PLA2G4A: variants seen among roughly 807,000 people sequenced by gnomAD.
PLA2G4A encodes the protein cytosolic phospholipase A2.
Under a neutral mutation model 81.9 loss-of-function variants are expected in PLA2G4A, and 40 were observed. That is an observed-to-expected ratio of 0.49 (90% CI 0.38 to 0.64). The LOEUF is 0.64. Ranked by LOEUF, PLA2G4A falls within the 30% of genes least tolerant of loss-of-function variation. PLA2G4A has a pLI of 0.00. For missense variants in PLA2G4A, 715 were observed against 905.1 expected (o/e 0.79, Z 2.69); for synonymous variants, 302 against 296.9 (o/e 1.02, Z -0.18).
intron 17 of PLA2G4A, among the ~76,000 whole-genome samples, chr1:186,987,640 C>T (rs747609437): frequency 3.7e-4 from 56 of 152,170 alleles, no homozygotes; most frequent in Admixed American, 9.2e-4. Context: ...ACTGCATCTA[C>T]CAAATTCTGA....
intron 17 of PLA2G4A, among the ~76,000 whole-genome samples, chr1:186,988,029 A>G (rs1657940435): frequency 6.6e-6 from 1 of 152,214 alleles, no homozygotes; most frequent in South Asian, 2.1e-4. Flanking sequence ...TTATAGATTT[A>G]GTAATTACTT....
chr1:186,975,503 AAAC>A, intron 15 of PLA2G4A, among the ~76,000 whole-genome samples: 1 of 152,360 alleles, frequency 6.6e-6, no homozygotes, highest in African/African-American at 2.4e-5. Context: ...CTTCTAATGT[AAAC>A]TACTGAGGTC....
intron 2 of PLA2G4A, among the ~76,000 whole-genome samples, chr1:186,864,091 G>T (rs574740538): frequency 3.3e-5 from 5 of 152,192 alleles, no homozygotes; most frequent in Non-Finnish European, 7.4e-5. Flanking sequence ...TTAGCATAAT[G>T]TCCTCCAGGT....
chr1:186,971,205 G>T (rs1351244247), intron 15 of PLA2G4A, among the ~76,000 whole-genome samples: 3 of 151,712 alleles, frequency 2.0e-5, no homozygotes, highest in Non-Finnish European at 4.4e-5. Flanking sequence ...AGGGCACAAG[G>T]ATATTTTGTT....
At chr1:186,855,642 A>T (rs6703998) in intron 2 of PLA2G4A, among the ~76,000 whole-genome samples, 1 of 151,996 alleles carries the variant, frequency 6.6e-6, no homozygotes, top group Admixed American at 6.6e-5. Flanking sequence ...TCTGCATTCA[A>T]CGTTGTGTCT....
intron 2 of PLA2G4A, among the ~76,000 whole-genome samples, chr1:186,857,291 T>A (rs1284304733): frequency 2.2e-4 from 24 of 107,302 alleles, no homozygotes; most frequent in African/African-American, 8.9e-4. Context: ...TTATATTATA[T>A]GTATATATTA....
intron 3 of PLA2G4A, among the ~76,000 whole-genome samples, chr1:186,887,183 A>AT (rs140327018): frequency 0.017 from 2,529 of 150,412 alleles, 63 homozygotes; most frequent in African/African-American, 0.057. Context: ...CCCCTTTGGG[A>AT]TTTTTTTTTT....
chr1:186,908,740 C>CA lies in PLA2G4A; in HGVS notation c.416+1746dup, dbSNP rs542992350. 4.0e-5 allele frequency among the ~76,000 whole-genome samples: 6 copies of CA among 150,622 alleles called. No homozygotes were observed. In the East Asian group the frequency reaches 7.7e-4, roughly 19 times the overall value. On this transcript the variant is annotated intron_variant, in intron 6 of 17. Transcript: ENST00000367466. ...TATTTATATAAGCACAGATGATTCT[C>CA]AAAAAAAAGTGTTCACTGGAAAAAA...
intron 15 of PLA2G4A, 84 bp from the exon 16 acceptor site, chr1:186,977,509 C>A (rs2891263): frequency 1.1e-5 from 9 of 843,534 alleles, no homozygotes; most frequent in Admixed American, 1.9e-5. Context: ...CAGTAGACAC[C>A]TAGTGAACAC....
intron 14 of PLA2G4A, 61 bp from the exon 15 acceptor site, chr1:186,965,348 G>GA: frequency 8.0e-7 from 1 of 1,245,364 alleles, no homozygotes; most frequent in Non-Finnish European, 1.2e-6. Context: ...AACATTTTTA[G>GA]ATGATAAATA....
chr1:186,839,860 A>G (rs1272942061), intron 1 of PLA2G4A, among the ~76,000 whole-genome samples: 2 of 152,078 alleles, frequency 1.3e-5, no homozygotes, highest in African/African-American at 4.8e-5. Context: ...TACCCCACAG[A>G]AGTAGAAGGG....
Position 186,938,883 on chromosome 1 carries a change from C to T in PLA2G4A, c.696-125C>T, listed in dbSNP as rs549188734. 9.8e-5 allele frequency: 68 copies of T among 695,996 alleles called. 1 individual carries two copies. In the South Asian group the frequency reaches 1.0e-3, roughly 10 times the overall value. 43.1% of individuals were successfully genotyped at this position (695,996 alleles called of 1,614,324 possible). A position where few individuals can be genotyped will look rare whatever the true frequency, so the allele number is the denominator to read the frequency against. Reference sequence around the variant, plus strand: ...CTTTTCTTAAATGTTTTAATATCTGCAATCAGATAATGAAGTTAACCAAAT... The same window carrying T: ...CTTTTCTTAAATGTTTTAATATCTGTAATCAGATAATGAAGTTAACCAAAT... On this transcript the variant is annotated intron_variant, in intron 8 of 17. Coordinates refer to ENST00000367466, the MANE Select transcript of PLA2G4A (RefSeq NM_024420.3).
intron 2 of PLA2G4A, among the ~76,000 whole-genome samples, chr1:186,860,229 CATTA>C (rs980885995): frequency 5.3e-5 from 8 of 151,996 alleles, no homozygotes; most frequent in African/African-American, 1.4e-4. Flanking sequence ...TATTATGAGA[CATTA>C]ATTAATTGAT....
chr1:186,924,927 A>G (rs1403520523), intron 7 of PLA2G4A, among the ~76,000 whole-genome samples: 1 of 152,058 alleles, frequency 6.6e-6, no homozygotes, highest in Non-Finnish European at 1.5e-5. Context: ...GCGCACCTGT[A>G]GTCCTAGCTA....
chr1:186,931,421 A>C (rs1327706005), intron 7 of PLA2G4A, among the ~76,000 whole-genome samples: 1 of 151,968 alleles, frequency 6.6e-6, no homozygotes, highest in Non-Finnish European at 1.5e-5. Context: ...CTGGGTTAGG[A>C]ATTTAGTCCT....
chr1:186,898,155 C>T (rs558122970), intron 5 of PLA2G4A, among the ~76,000 whole-genome samples: 34 of 151,992 alleles, frequency 2.2e-4, no homozygotes, highest in African/African-American at 8.2e-4. Context: ...AAAAATCTAT[C>T]ATTTATATAG....
chr1:186,835,367 T>G (rs1278547205), intron 1 of PLA2G4A, among the ~76,000 whole-genome samples: 1 of 152,200 alleles, frequency 6.6e-6, no homozygotes, highest in African/African-American at 2.4e-5. Context: ...GCAATTCATT[T>G]TGTGGACTTT....
intron 15 of PLA2G4A, among the ~76,000 whole-genome samples, chr1:186,966,527 G>A (rs12720669): frequency 7.2e-5 from 11 of 152,128 alleles, no homozygotes; most frequent in Non-Finnish European, 1.3e-4. Context: ...AGGAGTCAAG[G>A]TTAACTTGTG....
At chr1:186,855,190 C>A (rs1401047555) in intron 2 of PLA2G4A, among the ~76,000 whole-genome samples, 1 of 151,822 alleles carries the variant, frequency 6.6e-6, no homozygotes. Context: ...TGGACTCAGC[C>A]CTTCCACTTC....
Sources: gnomAD v4.1 joint callset for allele counts (sites outside exome capture counted in the v4.1 genomes callset) on GRCh38, gnomAD v4.1.1 for gene constraint, MANE v1.5 for transcripts, NCBI Gene and HGNC (gene_info 2026-07-23, HGNC 2026-07-21) for gene names.